Variants in DOCK1 observed in about 807,000 individuals in gnomAD.
The protein encoded by DOCK1 is dedicator of cytokinesis 1, also known as dedicator of cytokinesis protein 1.
DOCK1 carries 138 observed loss-of-function variants against 262.7 expected under a neutral mutation model. That is an observed-to-expected ratio of 0.53 (90% CI 0.46 to 0.61). The LOEUF is 0.61. Ranked by LOEUF, DOCK1 falls within the 20% of genes least tolerant of loss-of-function variation. The pLI, the probability that DOCK1 is intolerant of heterozygous loss-of-function variation, is 0.00. For missense variants in DOCK1, 1,908 were observed against 2,370.7 expected (o/e 0.80, Z 4.05); for synonymous variants, 866 against 867.4 (o/e 1.00, Z 0.03).
intron 23 of DOCK1, among the ~76,000 whole-genome samples, chr10:127,072,612 A>C (rs1046135031): frequency 6.6e-6 from 1 of 152,256 alleles, no homozygotes; most frequent in East Asian, 1.9e-4. Flanking sequence ...GCAGAGGAAA[A>C]TGCCAAACCC....
intron 29 of DOCK1, among the ~76,000 whole-genome samples, chr10:127,293,500 C>T (rs1428879040): frequency 6.6e-6 from 1 of 152,166 alleles, no homozygotes; most frequent in African/African-American, 2.4e-5. Flanking sequence ...AGACTGGTTT[C>T]CTGGTCCCTT....
intron 49 of DOCK1, 21 bp downstream of exon 49, chr10:127,439,246 T>C (rs1344794754): frequency 3.2e-5 from 51 of 1,595,758 alleles, no homozygotes; most frequent in Non-Finnish European, 4.3e-5. Flanking sequence ...AGGGTATCTT[T>C]CCTCGCTCTG....
intron 29 of DOCK1, among the ~76,000 whole-genome samples, chr10:127,299,405 A>G (rs2061607951): frequency 6.6e-6 from 1 of 152,344 alleles, no homozygotes; most frequent in South Asian, 2.1e-4. Context: ...CGCCCGGCCA[A>G]GAAGGGTGGG....
intron 3 of DOCK1, among the ~76,000 whole-genome samples, chr10:126,979,537 T>C (rs764918170): frequency 1.3e-5 from 2 of 152,164 alleles, no homozygotes; most frequent in Non-Finnish European, 2.9e-5. Flanking sequence ...TGTTCCTTTT[T>C]CTTTGAATCT....
intron 1 of DOCK1, among the ~76,000 whole-genome samples, chr10:126,912,280 A>T (rs561588492): frequency 6.6e-6 from 1 of 152,174 alleles, no homozygotes; most frequent in African/African-American, 2.4e-5. Flanking sequence ...AATACAAAAA[A>T]TTAACCTGGT....
Position 126,932,195 on chromosome 10 carries a change from A to G in DOCK1, c.46+26632A>G, listed in dbSNP as rs1008112836. Among the ~76,000 whole-genome samples the G allele has an allele frequency of 5.9e-3, 902 of 152,324 alleles. 8 individuals carry two copies. The highest frequency in any genetic ancestry group is 0.02 in the African/African-American group (831 of 41,578). ...CTCCTGCAGGCTAAATGTGAAGTTTAAAATTAGGGACTTGGATCAGCTGAT... is the reference window on the plus strand; with the variant it reads ...CTCCTGCAGGCTAAATGTGAAGTTTGAAATTAGGGACTTGGATCAGCTGAT... On this transcript the variant is annotated intron_variant, in intron 1 of 51. Coordinates refer to ENST00000623213, the MANE Select transcript of DOCK1 (RefSeq NM_001290223.2).
Position 126,931,803 on chromosome 10 carries a change from C to T in DOCK1, c.46+26240C>T, listed in dbSNP as rs1045727548. Among the ~76,000 whole-genome samples, 15 of 152,258 alleles carry T rather than the reference C, an allele frequency of 9.9e-5. No homozygotes were observed. In the South Asian group the frequency reaches 3.1e-3, roughly 32 times the overall value. ...CGACTGAGGATATGCGTGGCCCCTG[C>T]TCTCCCTGGGCTTCGGGAGGATGCA... On this transcript the variant is annotated intron_variant, in intron 1 of 51. Transcript: ENST00000623213.
chr10:127,054,262 CAG>C (rs1382832291), intron 22 of DOCK1, among the ~76,000 whole-genome samples: 2 of 152,186 alleles, frequency 1.3e-5, no homozygotes, highest in Non-Finnish European at 2.9e-5. Flanking sequence ...GTTGACCTAT[CAG>C]AGTCATAAAC....
chr10:126,963,577 TTCCC>T (rs2037392671), intron 1 of DOCK1, among the ~76,000 whole-genome samples: 2 of 129,894 alleles, frequency 1.5e-5, no homozygotes, highest in Admixed American at 8.2e-5. Flanking sequence ...CTCCCTCTCC[TTCCC>T]TCCCTTCCCT....
intron 4 of DOCK1, 45 bp downstream of exon 4, chr10:126,982,018 ATTTGGCCTT>A: frequency 1.3e-6 from 2 of 1,599,240 alleles, no homozygotes; most frequent in Non-Finnish European, 1.7e-6. Flanking sequence ...CAAGTACTAT[ATTTGGCCTT>A]GCTGCTCTTT....
At chr10:127,108,133 G>GA (rs368922377) in intron 24 of DOCK1, among the ~76,000 whole-genome samples, 9 of 152,312 alleles carry the variant, frequency 5.9e-5, no homozygotes, top group African/African-American at 2.2e-4. Flanking sequence ...AAATGACATT[G>GA]AAAATCACAT....
chr10:127,299,399 C>T (rs772632360), intron 29 of DOCK1, among the ~76,000 whole-genome samples: 3 of 152,186 alleles, frequency 2.0e-5, no homozygotes, highest in African/African-American at 7.2e-5. Flanking sequence ...CCGCCGCGCC[C>T]GGCCAAGAAG....
intron 27 of DOCK1, among the ~76,000 whole-genome samples, chr10:127,187,069 C>T (rs530678190): frequency 3.5e-4 from 54 of 152,194 alleles, no homozygotes; most frequent in Non-Finnish European, 6.9e-4. Context: ...CAATTCACCC[C>T]GGGGCAAAAC....
chr10:127,000,156 A>G lies in DOCK1; in HGVS notation c.850-16A>G. 6.2e-7 allele frequency: 1 copy of G among 1,612,772 alleles called. No individual in the cohort carries two copies. The highest frequency in any genetic ancestry group is 8.5e-7 in the Non-Finnish European group (1 of 1,179,198). ...AATGGGTCTCCAAAATAATTTATGG[A>G]AACTAATATTTCTAGGACCTCGGAA... On this transcript the variant is annotated splice_polypyrimidine_tract_variant and intron_variant, in intron 9 of 51. Transcript: ENST00000623213.
At chr10:127,402,809 A>C (rs1217620076) in intron 38 of DOCK1, 6 of 623,404 alleles carry the variant, frequency 9.6e-6, no homozygotes, top group Non-Finnish European at 1.8e-5. Flanking sequence ...GACTGCTGTT[A>C]CCATGGCCAG....
intron 1 of DOCK1, among the ~76,000 whole-genome samples, chr10:126,924,750 C>T (rs2033546945): frequency 1.3e-5 from 2 of 152,194 alleles, no homozygotes; most frequent in South Asian, 4.1e-4. Context: ...TTTGTCTGCA[C>T]AGTTTCCCTC....
chr10:127,137,046 ATT>A (rs1487737828), intron 27 of DOCK1: 1 of 152,626 alleles, frequency 6.6e-6, no homozygotes, highest in Non-Finnish European at 1.5e-5. Context: ...GTACCAAAAG[ATT>A]AAAAATGAGA....
At chr10:127,120,846 G>A (rs1213413724) in intron 25 of DOCK1, among the ~76,000 whole-genome samples, 1 of 152,104 alleles carries the variant, frequency 6.6e-6, no homozygotes, top group Non-Finnish European at 1.5e-5. Flanking sequence ...TTTCTTTTGT[G>A]TCCTTTTAGT....
intron 23 of DOCK1, among the ~76,000 whole-genome samples, chr10:127,069,056 T>G (rs1190328405): frequency 1.3e-5 from 2 of 152,264 alleles, no homozygotes; most frequent in African/African-American, 4.8e-5. Context: ...ATCCAGATTT[T>G]CAAATGCTCT....
Sources: allele counts gnomAD v4.1 joint callset (sites outside exome capture counted in the v4.1 genomes callset), GRCh38; gene constraint gnomAD v4.1.1; transcripts MANE v1.5; gene names NCBI Gene and HGNC (gene_info 2026-07-23, HGNC 2026-07-21).